The following SEMA3C variants were observed in gnomAD, a reference collection of about 807,000 sequenced individuals.
SEMA3C encodes semaphorin 3C, also known as semaphorin-3C.
Under a neutral mutation model 89.4 loss-of-function variants are expected in SEMA3C, and 47 were observed. That is an observed-to-expected ratio of 0.53 (90% CI 0.42 to 0.67). The LOEUF (loss-of-function observed/expected upper bound fraction) is 0.67, where lower values mean the gene tolerates loss of function less well. Among genes scored for constraint, SEMA3C ranks in the 30% least tolerant of loss-of-function variants. The pLI is 0.00. For synonymous variants in SEMA3C, 310 were observed against 320.2 expected, an observed-to-expected ratio of 0.97 and a Z score of 0.34; for missense variants, 839 against 929.1, an observed-to-expected ratio of 0.90 and a Z score of 1.26.
At chr7:80,885,092 G>A (rs761294538) in intron 2 of SEMA3C, among the ~76,000 whole-genome samples, 4 of 152,150 alleles carry the variant, frequency 2.6e-5, no homozygotes, top group Admixed American at 1.3e-4. Flanking sequence ...TCTTTAGAAT[G>A]AGACAAGAAA....
At chr7:80,864,691 C>G (rs1790884453) in intron 2 of SEMA3C, among the ~76,000 whole-genome samples, 2 of 152,180 alleles carry the variant, frequency 1.3e-5, no homozygotes, top group Admixed American at 6.5e-5. Flanking sequence ...CCCATAGATT[C>G]ACATAGATGC....
chr7:80,805,667 A>T lies in SEMA3C; in HGVS notation c.630T>A (p.Thr210=). ...TTAGCCATTTGGAATTATGTTGATC[A>T]GTTCTGACCGCATTCCTCTTGGTTA... The part of the protein sequence containing the change: ...RSLTKRNAVR[T]DQHNSKWLSE... Residue 210 remains threonine, a synonymous_variant, in exon 7 of 18, where the codon ACT becomes ACA. Coordinates refer to ENST00000265361, the MANE Select transcript of SEMA3C (RefSeq NM_006379.5). 6.2e-7 allele frequency: 1 copy of T among 1,604,942 alleles called. No homozygotes were observed. Among genetic ancestry groups the T allele is most frequent in the Non-Finnish European group, 8.5e-7 (1 of 1,175,180 alleles).
intron 2 of SEMA3C, among the ~76,000 whole-genome samples, chr7:80,879,893 T>C (rs1302577916): frequency 6.6e-6 from 1 of 152,208 alleles, no homozygotes; most frequent in East Asian, 1.9e-4. Flanking sequence ...GGTTTCTCTG[T>C]GACGTTTATA....
Position 80,852,677 on chromosome 7 carries a change from A to ATT in SEMA3C, c.104-23934_104-23933dup, listed in dbSNP as rs751469979. ...TTAAAGTGAGCAAAGCTGAATAGAC[A>ATT]TTTTTTTTTTTTTTTTTTTGAGACA... On this transcript the variant is annotated intron_variant, in intron 2 of 17. Transcript: ENST00000265361. Among the ~76,000 whole-genome samples the ATT allele has an allele frequency of 4.4e-3, 604 of 137,958 alleles. 5 individuals carry two copies. Among genetic ancestry groups the ATT allele is most frequent in the African/African-American group, 0.014 (525 of 37,436 alleles). 90.5% of individuals were successfully genotyped at this position (137,958 alleles called of 152,430 possible).
chr7:80,798,345 A>G, intron 10 of SEMA3C, 109 bp from the exon 11 acceptor site: 1 of 1,008,494 alleles, frequency 9.9e-7, no homozygotes, highest in Non-Finnish European at 1.3e-6. Flanking sequence ...CCACCATAGA[A>G]AAGTTAAATG....
intron 2 of SEMA3C, among the ~76,000 whole-genome samples, chr7:80,895,019 A>T (rs901947687): frequency 6.6e-6 from 1 of 152,188 alleles, no homozygotes; most frequent in Non-Finnish European, 1.5e-5. Context: ...TGTAAAATAA[A>T]ACATGTCCCA....
At chr7:80,898,000 A>C (rs1791780857) in intron 2 of SEMA3C, among the ~76,000 whole-genome samples, 1 of 152,178 alleles carries the variant, frequency 6.6e-6, no homozygotes, top group South Asian at 2.1e-4. Flanking sequence ...AAGGATAACG[A>C]GATAATTTAG....
chr7:80,767,624 T>C (rs1788333245), intron 12 of SEMA3C, among the ~76,000 whole-genome samples: 2 of 152,224 alleles, frequency 1.3e-5, no homozygotes, highest in Admixed American at 6.5e-5. Flanking sequence ...ATCATAAATA[T>C]CAAGTTATTC....
chr7:80,813,762 T>C (rs960373062), intron 5 of SEMA3C, among the ~76,000 whole-genome samples: 1 of 152,182 alleles, frequency 6.6e-6, no homozygotes, highest in African/African-American at 2.4e-5. Context: ...AGCTCCCATA[T>C]ACCATTCTCC....
At chr7:80,917,606 T>C (rs912379248) in intron 1 of SEMA3C, among the ~76,000 whole-genome samples, 2 of 152,180 alleles carry the variant, frequency 1.3e-5, no homozygotes, top group Non-Finnish European at 2.9e-5. Context: ...ATAAAATTGG[T>C]ACATGCTATT....
chr7:80,816,128 A>G (rs1242090439), intron 5 of SEMA3C: 2 of 152,142 alleles, frequency 1.3e-5, no homozygotes, highest in African/African-American at 4.8e-5. Context: ...GAAATCTCAG[A>G]AAGCTCTGAA....
intron 2 of SEMA3C, among the ~76,000 whole-genome samples, chr7:80,829,866 T>C (rs1014970808): frequency 1.3e-4 from 20 of 152,232 alleles, no homozygotes; most frequent in African/African-American, 4.8e-4. Context: ...ATCTGAAGAA[T>C]GACAAACTCT....
intron 11 of SEMA3C, among the ~76,000 whole-genome samples, chr7:80,797,318 A>G (rs1789088424): frequency 6.6e-6 from 1 of 152,162 alleles, no homozygotes; most frequent in Admixed American, 6.5e-5. Context: ...ACTGTTATCA[A>G]TGGACCCTTA....
chr7:80,779,382 A>T (rs982823948), intron 12 of SEMA3C, among the ~76,000 whole-genome samples: 6 of 152,144 alleles, frequency 3.9e-5, no homozygotes, highest in Non-Finnish European at 8.8e-5. Context: ...CTGATTGCTG[A>T]TTCTCTCTTA....
intron 2 of SEMA3C, among the ~76,000 whole-genome samples, chr7:80,838,111 C>T (rs1790176355): frequency 6.6e-6 from 1 of 152,012 alleles, no homozygotes; most frequent in Non-Finnish European, 1.5e-5. Context: ...TCATGGTTTA[C>T]ATGAAATATT....
At chr7:80,890,660 C>T (rs997338372) in intron 2 of SEMA3C, among the ~76,000 whole-genome samples, 1 of 152,084 alleles carries the variant, frequency 6.6e-6, no homozygotes, top group African/African-American at 2.4e-5. Context: ...GTTCATGGAG[C>T]TCCAAAAATA....
Position 80,744,800 on chromosome 7 carries a change from T to C in SEMA3C, c.*94A>G. 1 of 1,392,350 alleles carries C rather than the reference T, an allele frequency of 7.2e-7. No individual in the cohort carries two copies. The highest frequency in any genetic ancestry group is 2.3e-5 in the East Asian group (1 of 43,800). 86.2% of individuals were successfully genotyped at this position (1,392,350 alleles called of 1,614,324 possible). On this transcript the variant is annotated 3_prime_UTR_variant, in exon 18 of 18. Coordinates refer to ENST00000265361, the MANE Select transcript of SEMA3C (RefSeq NM_006379.5). ...AGGAGTAATCACCTTTTTCAGTAAT[T>C]CCCCTTGGTAAAGCACAAGTTTCTT... is the stretch of plus-strand genomic sequence containing the variant.
Position 80,751,263 on chromosome 7 carries a change from TA to T in SEMA3C, c.1711+5del. ...ACTGAGATTGGCCATTGCTCACTTTTAATACCTTTTAGATTAAATCCTCTGC... is the reference window on the plus strand; with the variant it reads ...ACTGAGATTGGCCATTGCTCACTTTTATACCTTTTAGATTAAATCCTCTGC... On this transcript the variant is annotated splice_donor_5th_base_variant and intron_variant, in intron 16 of 17. Transcript: ENST00000265361. The T allele has an allele frequency of 6.2e-7, 1 of 1,613,160 alleles. No homozygotes were observed.
rs1427048799 is a variant in SEMA3C, at chr7:80,743,423, A to G, written c.*1471T>C. 1.3e-5 allele frequency: 2 copies of G among 151,872 alleles called. No individual in the cohort carries two copies. Among genetic ancestry groups the G allele is most frequent in the African/African-American group, 4.8e-5 (2 of 41,422 alleles). The allele number at this position is 151,872 out of a possible 1,614,324, so 9.4% of individuals were successfully genotyped here. A position where few individuals can be genotyped will look rare whatever the true frequency, so the allele number is the denominator to read the frequency against. On this transcript the variant is annotated 3_prime_UTR_variant, in exon 18 of 18. Coordinates refer to ENST00000265361, the MANE Select transcript of SEMA3C (RefSeq NM_006379.5). ...CTTAAAAAGGCCATAATCTACTTTA[A>G]TTACCTTCATCATAGATTATTAACT...
Sources: gnomAD v4.1 joint callset for allele counts (sites outside exome capture counted in the v4.1 genomes callset) on GRCh38, gnomAD v4.1.1 for gene constraint, MANE v1.5 for transcripts, NCBI Gene and HGNC (gene_info 2026-07-23, HGNC 2026-07-21) for gene names.